The following MYO16 variants were observed in gnomAD, a reference collection of about 807,000 sequenced individuals.
MYO16 encodes the protein myosin XVI, also known as unconventional myosin-XVI.
A neutral mutation model predicts 205.3 loss-of-function variants in MYO16; 94 were observed. The observed-to-expected ratio is 0.46, with a 90% confidence interval of 0.39 to 0.54. The LOEUF is 0.54. Among genes scored for constraint, MYO16 ranks in the 20% least tolerant of loss-of-function variants. The pLI is 0.00. For synonymous variants in MYO16, 988 were observed against 954.0 expected (o/e 1.04, Z -0.66); for missense variants, 2,315 against 2,387.5 (o/e 0.97, Z 0.63).
chr13:109,016,424 A>G (rs1314146843), intron 22 of MYO16, among the ~76,000 whole-genome samples: 1 of 152,242 alleles, frequency 6.6e-6, no homozygotes, highest in Non-Finnish European at 1.5e-5. Context: ...TGGTGCTAAG[A>G]AGAATGTGTA....
chr13:109,141,198 G>A lies in MYO16; in HGVS notation c.4986G>A (p.Val1662=). 4.4e-6 allele frequency: 7 copies of A among 1,606,958 alleles called. No individual in the cohort carries two copies. Among genetic ancestry groups the A allele is most frequent in the Non-Finnish European group, 5.9e-6 (7 of 1,176,654 alleles). Residue 1662 remains valine (V), a synonymous_variant, in exon 32 of 35, where the codon GTG becomes GTA. Transcript: ENST00000457511. This position sits in a 1 kb window ranked among gnomAD's most constrained non-coding sequence, Gnocchi z 4.1. The part of the protein sequence containing the change: ...SSFPKIPYSP[V]KATRADARKA... ...TCCCCAAGATCCCATATTCCCCCGT[G>A]AAGGCCACCAGGGCGGACGCCAGGA...
In MYO16 at chr13:108,906,567, A is replaced by G. The variant is rs555023754; in HGVS notation, c.1778-3436A>G. Among the ~76,000 whole-genome samples, 8 of 152,310 alleles carry G rather than the reference A, an allele frequency of 5.3e-5. No homozygotes were observed. The South Asian group carries it at 1.7e-3, about 32-fold the overall frequency. ...GCAGGACATTCTTTTAAAAGTTTTG[A>G]AATGCTTTAGTTGATCTTATGTGAA... On this transcript the variant is annotated intron_variant, in intron 15 of 34. Transcript: ENST00000457511.
chr13:108,666,556 C>G (rs1380874262), intron 2 of MYO16, among the ~76,000 whole-genome samples: 1 of 151,966 alleles, frequency 6.6e-6, no homozygotes. Flanking sequence ...CTCCAGAGCT[C>G]GAGCAGTCCT....
chr13:109,082,580 A>G (rs1888313625), intron 27 of MYO16, among the ~76,000 whole-genome samples: 2 of 152,160 alleles, frequency 1.3e-5, no homozygotes, highest in South Asian at 4.1e-4. Flanking sequence ...CATGCCTTTA[A>G]TCCCAGCACT....
At chr13:108,907,670 A>G (rs1338988083) in intron 15 of MYO16, among the ~76,000 whole-genome samples, 1 of 152,214 alleles carries the variant, frequency 6.6e-6, no homozygotes, top group Non-Finnish European at 1.5e-5. Context: ...AACCCTGCTG[A>G]TCAGAATTCC....
chr13:108,787,814 A>C (rs539790737), intron 5 of MYO16, among the ~76,000 whole-genome samples: 3 of 152,248 alleles, frequency 2.0e-5, no homozygotes, highest in Non-Finnish European at 4.4e-5. Flanking sequence ...TTGTCACTGC[A>C]GTCGCTCTGG....
chr13:109,189,483 C>T (rs1483541469), intron 34 of MYO16, among the ~76,000 whole-genome samples: 1 of 152,090 alleles, frequency 6.6e-6, no homozygotes, highest in African/African-American at 2.4e-5. Context: ...TTTAAAATTC[C>T]ATTTTACATT....
chr13:109,166,644 C>T (rs1296971752), intron 33 of MYO16: 11 of 152,168 alleles, frequency 7.2e-5, no homozygotes, highest in African/African-American at 1.9e-4. Context: ...ACATTCTTCA[C>T]GGGATCCAGC....
chr13:108,909,080 A>C (rs1488105578), intron 15 of MYO16, among the ~76,000 whole-genome samples: 2 of 152,140 alleles, frequency 1.3e-5, no homozygotes, highest in Non-Finnish European at 2.9e-5. Context: ...TAATATTTCA[A>C]ATGCTCCAGA....
the MYO16 span, among the ~76,000 whole-genome samples, chr13:108,548,318 G>A: frequency 6.6e-6 from 1 of 151,272 alleles, no homozygotes; most frequent in Non-Finnish European, 1.5e-5. Context: ...GGTGATGATT[G>A]TTGTTGTGGT....
At chr13:108,904,148 G>A (rs982686806) in intron 15 of MYO16, among the ~76,000 whole-genome samples, 5 of 152,112 alleles carry the variant, frequency 3.3e-5, no homozygotes, top group Non-Finnish European at 5.9e-5. Flanking sequence ...TATGAAACAT[G>A]AGCTGTATAT....
intron 2 of MYO16, among the ~76,000 whole-genome samples, chr13:108,691,914 A>G (rs1882911881): frequency 6.6e-6 from 1 of 152,180 alleles, no homozygotes; most frequent in Admixed American, 6.5e-5. Flanking sequence ...ACAATTCTCT[A>G]TATGGGGCAA....
chr13:108,885,361 C>A (rs1255756675), intron 13 of MYO16, among the ~76,000 whole-genome samples: 2 of 152,068 alleles, frequency 1.3e-5, no homozygotes, highest in African/African-American at 4.8e-5. Context: ...CTCAGGTGAT[C>A]CACCTGCCTC....
intron 9 of MYO16, among the ~76,000 whole-genome samples, chr13:108,826,330 CT>C (rs2035264277): frequency 6.6e-6 from 1 of 151,996 alleles, no homozygotes; most frequent in African/African-American, 2.4e-5. Flanking sequence ...AAAGAATAGC[CT>C]TTTACAATAA....
the MYO16 span, among the ~76,000 whole-genome samples, chr13:108,545,786 A>G: frequency 6.6e-6 from 1 of 152,196 alleles, no homozygotes; most frequent in Non-Finnish European, 1.5e-5. Flanking sequence ...ACCTTTAGGG[A>G]GTATTTGGTA....
intron 1 of MYO16, among the ~76,000 whole-genome samples, chr13:108,644,779 T>C (rs1035178499): frequency 6.6e-6 from 1 of 152,136 alleles, no homozygotes; most frequent in African/African-American, 2.4e-5. Context: ...GAAAGACAAA[T>C]CTGTGTTCAA....
At chr13:109,145,208 T>C (rs1877273222) in intron 32 of MYO16, among the ~76,000 whole-genome samples, 1 of 152,160 alleles carries the variant, frequency 6.6e-6, no homozygotes, top group African/African-American at 2.4e-5. Flanking sequence ...ATCTCCATTT[T>C]ACAGGTGGAA....
intron 1 of MYO16, among the ~76,000 whole-genome samples, chr13:108,617,879 C>T (rs1019944791): frequency 5.3e-5 from 8 of 152,126 alleles, no homozygotes; most frequent in African/African-American, 1.7e-4. Flanking sequence ...TTCCCTTACA[C>T]CATCCCCTTC....
chr13:108,931,199 A>G (rs1415050563), intron 16 of MYO16, among the ~76,000 whole-genome samples: 1 of 152,052 alleles, frequency 6.6e-6, no homozygotes, highest in Non-Finnish European at 1.5e-5. Context: ...AAAAATTCTA[A>G]AACCACTGCT....
Sources: gnomAD v4.1 joint callset for allele counts (sites outside exome capture counted in the v4.1 genomes callset) on GRCh38, gnomAD v4.1.1 for gene constraint, Gnocchi (gnomAD v3.1) non-coding constraint, MANE v1.5 for transcripts, NCBI Gene and HGNC (gene_info 2026-07-23, HGNC 2026-07-21) for gene names.